CENPB: variants seen among roughly 807,000 people sequenced by gnomAD.
CENPB encodes the protein centromere protein B, also known as major centromere autoantigen B.
In CENPB, 19 loss-of-function variants were observed where a neutral mutation model predicts 41.9. The observed-to-expected ratio is 0.45, with a 90% CI of 0.32 to 0.67. The LOEUF (loss-of-function observed/expected upper bound fraction) is 0.67, where lower values mean the gene tolerates loss of function less well. Among genes scored for constraint, CENPB ranks in the 30% least tolerant of loss-of-function variants. CENPB has a pLI of 0.04. For synonymous variants in CENPB, 399 were observed against 354.4 expected (o/e 1.13, Z -1.41); for missense variants, 614 against 816.2 (o/e 0.75, Z 3.02).
Position 3,786,412 on chromosome 20 carries a change from C to G in CENPB, c.72G>C (p.Pro24=), listed in dbSNP as rs752007066. ...SRIIQEVEEN[P]DLRKGEIARR... Reference sequence around the variant, plus strand: ...GCGCGATCTCGCCCTTGCGCAGGTCCGGATTCTCCTCCACCTCCTGGATGA... The same window carrying G: ...GCGCGATCTCGCCCTTGCGCAGGTCGGGATTCTCCTCCACCTCCTGGATGA... Residue 24 remains proline (P), a synonymous_variant, in exon 1 of 1, where the codon CCG becomes CCC. Coordinates refer to ENST00000379751, the MANE Select transcript of CENPB (RefSeq NM_001810.6). 1.9e-6 allele frequency: 3 copies of G among 1,599,484 alleles called. No homozygotes were observed. In the South Asian group the frequency reaches 3.3e-5, roughly 18 times the overall value.
Position 3,786,187 on chromosome 20 carries a change from G to A in CENPB, c.297C>T (p.Ile99=), listed in dbSNP as rs773299289. 6 of 1,601,080 alleles carry A rather than the reference G, an allele frequency of 3.7e-6. No homozygotes were observed. The East Asian group carries it at 1.3e-4, about 36-fold the overall frequency. Reference sequence around the variant, plus strand: ...CTATGCGCAGCGCCTTCTCCTTGAGGATGATGCCCTTGACCGGCAGGCCGG... The same window carrying A: ...CTATGCGCAGCGCCTTCTCCTTGAGAATGATGCCCTTGACCGGCAGGCCGG... ...RAAGLPVKGI[I]LKEKALRIAE... The change falls in exon 1 of 1, where the codon ATC becomes ATT. Residue 99 remains isoleucine, a synonymous_variant. Transcript: ENST00000379751.
At position 3,785,905 on chromosome 20, in the gene CENPB, G is replaced by A; in HGVS notation, c.579C>T (p.Ser193=). ...AEGYASQDVF[S]ATETSLWYDF... ...CGTACCATAGACTGGTCTCGGTGGC[G>A]CTGAACACGTCCTGCGAGGCGTAGC... Residue 193 remains serine, a synonymous_variant, in exon 1 of 1, where the codon AGC becomes AGT. Coordinates refer to ENST00000379751, the MANE Select transcript of CENPB (RefSeq NM_001810.6). 6.2e-7 allele frequency: 1 copy of A among 1,602,306 alleles called. No homozygotes were observed.
At position 3,784,436 on chromosome 20, in the gene CENPB, G is replaced by C. The variant is rs985310851; in HGVS notation, c.*248C>G. On this transcript the variant is annotated 3_prime_UTR_variant, in exon 1 of 1. Transcript: ENST00000379751. The surrounding 1 kb of genome is among the most constrained non-coding windows in gnomAD (Gnocchi z 5.2). Reference sequence around the variant, plus strand: ...GACAGCTCCCCACCCGCCCCACCTGGTCCCCTGAGCCCAGGGCCAAATGGG... The same window carrying C: ...GACAGCTCCCCACCCGCCCCACCTGCTCCCCTGAGCCCAGGGCCAAATGGG... 2.0e-6 allele frequency: 1 copy of C among 510,208 alleles called. No homozygotes were observed. The highest frequency in any genetic ancestry group is 1.9e-5 in the African/African-American group (1 of 51,710). The allele number at this position is 510,208 out of a possible 1,614,324, so 31.6% of individuals were successfully genotyped here. A position where few individuals can be genotyped will look rare whatever the true frequency, so the allele number is the denominator to read the frequency against.
rs370139399 is a variant in CENPB at position 3,786,486 on chromosome 20, C to G, written c.-3G>C. Reference sequence around the variant, plus strand: ...AGCTGTCGCCTCTTGGGGCCCATCCCGGCGCGCCCCCCGCCCCGGGGCCCG... The same window carrying G: ...AGCTGTCGCCTCTTGGGGCCCATCCGGGCGCGCCCCCCGCCCCGGGGCCCG... On this transcript the variant is annotated 5_prime_UTR_variant, in exon 1 of 1. Coordinates refer to ENST00000379751, the MANE Select transcript of CENPB (RefSeq NM_001810.6). 3.9e-5 allele frequency: 52 copies of G among 1,344,756 alleles called. No homozygotes were observed. Among genetic ancestry groups the G allele is most frequent in the Middle Eastern group, 2.2e-4 (1 of 4,502 alleles). The allele number at this position is 1,344,756 out of a possible 1,614,324, so 83.3% of individuals were successfully genotyped here.
rs1421467598 is a variant in CENPB, at chr20:3,784,172, G to A, written c.*512C>T. Reference sequence around the variant, plus strand: ...GCAGAAGCAGGCTCAGGAGCCCGCAGTGAGTTAAACTGTGCTTCTCAAGGC... The same window carrying A: ...GCAGAAGCAGGCTCAGGAGCCCGCAATGAGTTAAACTGTGCTTCTCAAGGC... On this transcript the variant is annotated 3_prime_UTR_variant, in exon 1 of 1. Transcript: ENST00000379751. This position sits in a 1 kb window ranked among gnomAD's most constrained non-coding sequence, Gnocchi z 5.2. The A allele has an allele frequency of 6.3e-6, 1 of 159,492 alleles. No homozygotes were observed. Among genetic ancestry groups the A allele is most frequent in the Non-Finnish European group, 1.4e-5 (1 of 72,246 alleles). The allele number at this position is 159,492 out of a possible 1,614,324, so 9.9% of individuals were successfully genotyped here.
In CENPB at chr20:3,785,314, C is replaced by A; in HGVS notation, c.1170G>T (p.Gly390=). 1 of 1,599,162 alleles carries A rather than the reference C, an allele frequency of 6.3e-7. No homozygotes were observed. Among genetic ancestry groups the A allele is most frequent in the Non-Finnish European group, 8.5e-7 (1 of 1,174,530 alleles). ...TGGTGATGGTGGCATTAGGGCCACC[C>A]CCAAAGCCAGCCTCACGAAAGCAGG... is the stretch of plus-strand genomic sequence containing the variant. ...IAACFREAGF[G]GGPNATITTS... Residue 390 remains glycine, a synonymous_variant, in exon 1 of 1, where the codon GGG becomes GGT. Transcript: ENST00000379751.
At position 3,785,405 on chromosome 20, in the gene CENPB, C is replaced by T. The variant is rs746970763; in HGVS notation, c.1079G>A (p.Gly360Asp). 1.9e-6 allele frequency: 3 copies of T among 1,599,324 alleles called. No homozygotes were observed. The Admixed American group carries it at 5.2e-5, about 28-fold the overall frequency. ...EGQDPSGLQL[G>D]LTEALHFVAA... ...CACAAAGTGCAGGGCCTCCGTGAGA[C>T]CCAGCTGCAGGCCTGAGGGATCCTG... Residue 360 changes from glycine to aspartate, a missense_variant, in exon 1 of 1, where the codon GGT becomes GAT. Coordinates refer to ENST00000379751, the MANE Select transcript of CENPB (RefSeq NM_001810.6).
chr20:3,786,542 C>CCG lies in CENPB; in HGVS notation c.-60_-59insCG. The CCG allele has an allele frequency of 5.7e-6, 3 of 523,716 alleles. No individual in the cohort carries two copies. The highest frequency in any genetic ancestry group is 7.3e-6 in the Non-Finnish European group (3 of 412,176). The allele number at this position is 523,716 out of a possible 1,614,324, so 32.4% of individuals were successfully genotyped here. A position where few individuals can be genotyped will look rare whatever the true frequency, so the allele number is the denominator to read the frequency against. On this transcript the variant is annotated 5_prime_UTR_variant, in exon 1 of 1. Coordinates refer to ENST00000379751, the MANE Select transcript of CENPB (RefSeq NM_001810.6). Reference sequence around the variant, plus strand: ...GCCGCCGCCGCCCCGGGGCGGGGGGCCCGGGCCCGTGGCGGGGGGCACCTG... The same window carrying CCG: ...GCCGCCGCCGCCCCGGGGCGGGGGGCCGCCGGGCCCGTGGCGGGGGGCACCTG...
chr20:3,785,046 C>A lies in CENPB; in HGVS notation c.1438G>T (p.Val480Leu), dbSNP rs1433226896. ...GLEAEDWAQG[V>L]VEAGGSFGAY... is the part of the protein sequence containing the mutation. ...CCGAAGCTGCCACCGGCCTCCACTA[C>A]TCCCTGGGCCCAGTCCTCAGCCTCC... The change falls in exon 1 of 1, where the codon GTA becomes TTA. Residue 480 changes from valine to leucine, a missense_variant. This residue lies in a region of CENPB where 537 missense variants were observed against 629.4 expected (regional missense o/e 0.85). Transcript: ENST00000379751. The A allele has an allele frequency of 1.9e-6, 3 of 1,614,036 alleles. No individual in the cohort carries two copies. The highest frequency in any genetic ancestry group is 3.3e-5 in the Admixed American group (2 of 60,006).
In CENPB at chr20:3,785,500, T is replaced by C. The variant is rs1484337339; in HGVS notation, c.984A>G (p.Gly328=). The part of the protein sequence containing the change: ...PPGTVHPLER[G]VVQQVKGHYR... ...AGTGGCCCTTCACCTGCTGGACCACTCCCCTCTCCAGCGGATGCACGGTGC... is the reference window on the plus strand; with the variant it reads ...AGTGGCCCTTCACCTGCTGGACCACCCCCCTCTCCAGCGGATGCACGGTGC... Residue 328 remains glycine, a synonymous_variant, in exon 1 of 1, where the codon GGA becomes GGG. Coordinates refer to ENST00000379751, the MANE Select transcript of CENPB (RefSeq NM_001810.6). 1 of 1,594,202 alleles carries C rather than the reference T, an allele frequency of 6.3e-7. No individual in the cohort carries two copies. The highest frequency in any genetic ancestry group is 8.5e-7 in the Non-Finnish European group (1 of 1,170,702).
rs551419159 is a variant in CENPB at position 3,785,109 on chromosome 20, C to G, written c.1375G>C (p.Glu459Gln). The change falls in exon 1 of 1, where the codon GAA (glutamate) becomes CAA (glutamine). Residue 459 changes from glutamate (E) to glutamine (Q), a missense_variant. Glu to Gln is a conservative substitution (Grantham distance 29, BLOSUM62 2). Around this residue, in one of 2 missense-constraint regions of CENPB, gnomAD observed 537 missense variants for 629.4 expected, o/e 0.85. Coordinates refer to ENST00000379751, the MANE Select transcript of CENPB (RefSeq NM_001810.6). ...GAGCTCTCCTCATCTTCCTCCTCTT[C>G]TTCATCACTATCAACATCACCCTCC... The part of the protein sequence containing the change: ...EEEGDVDSDE[E>Q]EEEDEESSSE... 9.3e-6 allele frequency: 15 copies of G among 1,609,356 alleles called. No individual in the cohort carries two copies. In the Middle Eastern group the frequency reaches 1.2e-3, roughly 125 times the overall value.
Position 3,784,453 on chromosome 20 carries a change from C to T in CENPB, c.*231G>A. ...CCCACCTGGTCCCCTGAGCCCAGGG[C>T]CAAATGGGGAGGAAAGAGGATTCTG... On this transcript the variant is annotated 3_prime_UTR_variant, in exon 1 of 1. Transcript: ENST00000379751. This position sits in a 1 kb window ranked among gnomAD's most constrained non-coding sequence, Gnocchi z 5.2. The T allele has an allele frequency of 1.8e-6, 1 of 543,716 alleles. No homozygotes were observed. Among genetic ancestry groups the T allele is most frequent in the Non-Finnish European group, 3.3e-6 (1 of 304,550 alleles). 33.7% of individuals were successfully genotyped at this position (543,716 alleles called of 1,614,324 possible).
chr20:3,785,233 C>G lies in CENPB; in HGVS notation c.1251G>C (p.Glu417Asp). 6.5e-7 allele frequency: 1 copy of G among 1,548,376 alleles called. No individual in the cohort carries two copies. Among genetic ancestry groups the G allele is most frequent in the African/African-American group, 1.4e-5 (1 of 72,382 alleles). The change falls in exon 1 of 1, where the codon GAG becomes GAC. Residue 417 changes from glutamate (E) to aspartate (D), a missense_variant. Coordinates refer to ENST00000379751, the MANE Select transcript of CENPB (RefSeq NM_001810.6). ...CCTCTTCCTCTCCTTCACCCTCTTC[C>G]TCCTCCTCTTCTTCCTCCTCCTCCT... is the stretch of plus-strand genomic sequence containing the variant. ...EEEEEEEEEE[E>D]EEGEGEEEEE...
chr20:3,785,013 C>T lies in CENPB; in HGVS notation c.1471G>A (p.Gly491Ser), dbSNP rs769493561. ...VEAGGSFGAYGAQEEAQCPTL... is the reference protein window; with the variant it reads ...VEAGGSFGAYSAQEEAQCPTL... ...GGGCACTGGGCTTCCTCCTGGGCACCATAAGCCCCGAAGCTGCCACCGGCC... is the reference window on the plus strand; with the variant it reads ...GGGCACTGGGCTTCCTCCTGGGCACTATAAGCCCCGAAGCTGCCACCGGCC... The change falls in exon 1 of 1, where the codon GGT (glycine) becomes AGT (serine). Residue 491 changes from glycine to serine, a missense_variant. Physicochemically the swap from Gly to Ser is moderately conservative, Grantham distance 56. Coordinates refer to ENST00000379751, the MANE Select transcript of CENPB (RefSeq NM_001810.6). 6.2e-7 allele frequency: 1 copy of T among 1,614,036 alleles called. No individual in the cohort carries two copies. The highest frequency in any genetic ancestry group is 1.7e-5 in the Admixed American group (1 of 60,006).
At position 3,786,396 on chromosome 20, in the gene CENPB, C is replaced by T; in HGVS notation, c.88G>A (p.Glu30Lys). ...GGGATGTTGAAGCGCCGCGCGATCT[C>T]GCCCTTGCGCAGGTCCGGATTCTCC... ...VEENPDLRKG[E>K]IARRFNIPPS... is the part of the protein sequence containing the mutation. The change falls in exon 1 of 1, where the codon GAG (glutamate) becomes AAG (lysine). Residue 30 changes from glutamate to lysine, a missense_variant. By Grantham distance (56) the Glu-to-Lys change is moderately conservative. Around this residue, in one of 2 missense-constraint regions of CENPB, gnomAD observed 77 missense variants for 186.8 expected, o/e 0.41. Transcript: ENST00000379751. 1 of 1,601,916 alleles carries T rather than the reference C, an allele frequency of 6.2e-7. No individual in the cohort carries two copies. Among genetic ancestry groups the T allele is most frequent in the Non-Finnish European group, 8.5e-7 (1 of 1,179,256 alleles).
Position 3,785,932 on chromosome 20 carries a change from C to T in CENPB, c.552G>A (p.Glu184=), listed in dbSNP as rs1304514671. Residue 184 remains glutamate, a synonymous_variant, in exon 1 of 1, where the codon GAG becomes GAA. Coordinates refer to ENST00000379751, the MANE Select transcript of CENPB (RefSeq NM_001810.6). The part of the protein sequence containing the change: ...AREEQPPSVA[E]GYASQDVFSA... ...TGAACACGTCCTGCGAGGCGTAGCC[C>T]TCGGCCACCGACGGCGGCTGCTCCT... 1.0e-5 allele frequency: 16 copies of T among 1,600,200 alleles called. No individual in the cohort carries two copies. Among genetic ancestry groups the T allele is most frequent in the Non-Finnish European group, 1.4e-5 (16 of 1,176,876 alleles).
Position 3,786,033 on chromosome 20 carries a change from G to T in CENPB, c.451C>A (p.Pro151Thr). The change falls in exon 1 of 1, where the codon CCG (proline) becomes ACG (threonine). Residue 151 changes from proline to threonine, a missense_variant. Around this residue, in one of 2 missense-constraint regions of CENPB, gnomAD observed 537 missense variants for 629.4 expected, o/e 0.85. Coordinates refer to ENST00000379751, the MANE Select transcript of CENPB (RefSeq NM_001810.6). ...GCGGCCGGACTGGCAGGCGCCGCCGGGGTGCGGGGGGCAGCGTTTCGCGCG... is the reference window on the plus strand; with the variant it reads ...GCGGCCGGACTGGCAGGCGCCGCCGTGGTGCGGGGGGCAGCGTTTCGCGCG... ...ARARNAAPRTPAAPASPAAVP... is the reference protein window; with the variant it reads ...ARARNAAPRTTAAPASPAAVP... The T allele has an allele frequency of 7.0e-7, 1 of 1,428,720 alleles. No homozygotes were observed. The highest frequency in any genetic ancestry group is 9.1e-7 in the Non-Finnish European group (1 of 1,104,820). The allele number at this position is 1,428,720 out of a possible 1,614,324, so 88.5% of individuals were successfully genotyped here.
Position 3,786,489 on chromosome 20 carries a change from C to G in CENPB, c.-6G>C. On this transcript the variant is annotated 5_prime_UTR_variant, in exon 1 of 1. Coordinates refer to ENST00000379751, the MANE Select transcript of CENPB (RefSeq NM_001810.6). ...TGTCGCCTCTTGGGGCCCATCCCGG[C>G]GCGCCCCCCGCCCCGGGGCCCGGCG... 1 of 1,266,062 alleles carries G rather than the reference C, an allele frequency of 7.9e-7. No homozygotes were observed. Among genetic ancestry groups the G allele is most frequent in the Non-Finnish European group, 1.0e-6 (1 of 966,818 alleles). The allele number at this position is 1,266,062 out of a possible 1,614,324, so 78.4% of individuals were successfully genotyped here. A position where few individuals can be genotyped will look rare whatever the true frequency, so the allele number is the denominator to read the frequency against.
rs945775228 is a variant in CENPB, at chr20:3,785,054, G to A, written c.1430C>T (p.Ala477Val). 2 of 1,613,900 alleles carry A rather than the reference G, an allele frequency of 1.2e-6. No individual in the cohort carries two copies. The highest frequency in any genetic ancestry group is 1.3e-5 in the African/African-American group (1 of 74,918). ...SSEGLEAEDW[A>V]QGVVEAGGSF... ...GCCACCGGCCTCCACTACTCCCTGG[G>A]CCCAGTCCTCAGCCTCCAAGCCCTC... Residue 477 changes from alanine (A) to valine (V), a missense_variant, in exon 1 of 1, where the codon GCC becomes GTC. By Grantham distance (64) the Ala-to-Val change is moderately conservative. Around this residue, in one of 2 missense-constraint regions of CENPB, gnomAD observed 537 missense variants for 629.4 expected, o/e 0.85. Transcript: ENST00000379751.
Sources: allele counts gnomAD v4.1 joint callset, GRCh38; gene constraint gnomAD v4.1.1; regional missense constraint gnomAD v4.1.1; non-coding constraint Gnocchi (gnomAD v3.1); transcripts MANE v1.5; gene names NCBI Gene and HGNC (gene_info 2026-07-23, HGNC 2026-07-21).